The following FXYD4 variants were observed in gnomAD, a reference collection of about 807,000 sequenced individuals.
FXYD4 encodes the protein FXYD domain containing ion transport regulator 4.
In FXYD4, 14 loss-of-function variants were observed where a neutral mutation model predicts 18.3. That is an observed-to-expected ratio of 0.77 (90% CI 0.51 to 1.20). The LOEUF is 1.20. Among genes scored for constraint, FXYD4 ranks in the 50% most tolerant of loss-of-function variants. The pLI, the probability that FXYD4 is intolerant of heterozygous loss-of-function variation, is 0.00. For synonymous variants in FXYD4, 40 were observed against 40.5 expected, an observed-to-expected ratio of 0.99 and a Z score of 0.04; for missense variants, 99 against 106.1, an observed-to-expected ratio of 0.93 and a Z score of 0.29.
intron 1 of FXYD4, 117 bp downstream of exon 1, chr10:43,371,814 A>G (rs1006870332): frequency 6.6e-6 from 1 of 152,116 alleles, no homozygotes; most frequent in Non-Finnish European, 1.5e-5. Context: ...CAGCCGCTTG[A>G]AGGCCTCCTG....
rs771807115 is a variant in FXYD4 at position 43,375,675 on chromosome 10, G to A, written c.173-20G>A. On this transcript the variant is annotated intron_variant, in intron 6 of 8. Transcript: ENST00000476166. ...TCATTCCAGCACTGACCCTGGCGCTGACCCCTCTCTCTCTCCCAGGTGGCA... is the reference window on the plus strand; with the variant it reads ...TCATTCCAGCACTGACCCTGGCGCTAACCCCTCTCTCTCTCCCAGGTGGCA... The A allele has an allele frequency of 3.7e-6, 6 of 1,613,800 alleles. No homozygotes were observed. In the African/African-American group the frequency reaches 6.7e-5, roughly 18 times the overall value.
intron 2 of FXYD4, among the ~76,000 whole-genome samples, chr10:43,372,992 A>T (rs1452436645): frequency 6.6e-6 from 1 of 152,068 alleles, no homozygotes; most frequent in Non-Finnish European, 1.5e-5. Flanking sequence ...TTCCAACCTG[A>T]GGGGGAAATG....
Position 43,376,183 on chromosome 10 carries a change from C to T in FXYD4, c.*17C>T. 1 of 1,613,158 alleles carries T rather than the reference C, an allele frequency of 6.2e-7. No homozygotes were observed. Among genetic ancestry groups the T allele is most frequent in the Non-Finnish European group, 8.5e-7 (1 of 1,179,866 alleles). On this transcript the variant is annotated 3_prime_UTR_variant, in exon 9 of 9. Coordinates refer to ENST00000476166, the MANE Select transcript of FXYD4 (RefSeq NM_173160.3). ...ACTTGCTGAGCACAGGACTGGCCTC[C>T]AGGGATGGCCTGAAGCCTAACACTG...
chr10:43,374,955 G>A (rs1837850870), intron 5 of FXYD4, among the ~76,000 whole-genome samples: 1 of 151,412 alleles, frequency 6.6e-6, no homozygotes, highest in Non-Finnish European at 1.5e-5. Flanking sequence ...CTCTCCCCTG[G>A]GCCTCAGCTC....
At chr10:43,374,731 T>C (rs1457422570) in intron 5 of FXYD4, 92 bp downstream of exon 5, 7 of 1,004,490 alleles carry the variant, frequency 7.0e-6, no homozygotes, top group Non-Finnish European at 9.6e-6. Context: ...GGACCTAGTG[T>C]AGACAAAGTG....
rs372862247 is a variant in FXYD4, at chr10:43,375,561, G to T, written c.160G>T (p.Ala54Ser). Residue 54 changes from alanine (A) to serine (S), a missense_variant, in exon 6 of 9, where the codon GCG becomes TCG. Coordinates refer to ENST00000476166, the MANE Select transcript of FXYD4 (RefSeq NM_173160.3). ...AGGGCTCCTGGCCATTGCTGGGATC[G>T]CGGCAGTTCTGAGTGAGTGGCAGGA... is the stretch of plus-strand genomic sequence containing the variant. ...CGGLLAIAGI[A>S]AVLSGKCKCK... 1 of 1,613,948 alleles carries T rather than the reference G, an allele frequency of 6.2e-7. No homozygotes were observed. Among genetic ancestry groups the T allele is most frequent in the East Asian group, 2.2e-5 (1 of 44,870 alleles).
intron 5 of FXYD4, among the ~76,000 whole-genome samples, chr10:43,375,263 G>C (rs1469333740): frequency 4.6e-5 from 7 of 152,000 alleles, no homozygotes; most frequent in Non-Finnish European, 2.9e-5. Context: ...CTGACCTCAG[G>C]TGATCTGCCC....
chr10:43,373,342 AT>A (rs199917026), intron 2 of FXYD4, 172 bp from the exon 3 acceptor site: 4,028 of 174,752 alleles, frequency 0.023, 157 homozygotes, highest in East Asian at 0.12. Context: ...TCTAAGCTCC[AT>A]TTTTTTTTTT....
At chr10:43,372,426 A>T (rs542486895) in intron 1 of FXYD4, among the ~76,000 whole-genome samples, 1 of 152,150 alleles carries the variant, frequency 6.6e-6, no homozygotes, top group Non-Finnish European at 1.5e-5. Flanking sequence ...CTGGGAATAC[A>T]GGCGCCTGTC....
chr10:43,375,874 C>G lies in FXYD4; in HGVS notation c.212+140C>G. ...TATTCAGATAGTCAACCCTGAAGGG[C>G]CCCAGTCAGGAAAGCTCTGACCTCG... On this transcript the variant is annotated intron_variant, in intron 7 of 8. Coordinates refer to ENST00000476166, the MANE Select transcript of FXYD4 (RefSeq NM_173160.3). 3.3e-6 allele frequency: 4 copies of G among 1,209,284 alleles called. No homozygotes were observed. In the South Asian group the frequency reaches 4.8e-5, roughly 15 times the overall value. The allele number at this position is 1,209,284 out of a possible 1,614,324, so 74.9% of individuals were successfully genotyped here. A position where few individuals can be genotyped will look rare whatever the true frequency, so the allele number is the denominator to read the frequency against.
In FXYD4 at chr10:43,373,462, G is replaced by A. The variant is rs1406987696; in HGVS notation, c.-232-53G>A. On this transcript the variant is annotated intron_variant, in intron 2 of 8. Coordinates refer to ENST00000476166, the MANE Select transcript of FXYD4 (RefSeq NM_173160.3). ...CTTCTACAGCACTTACTCTGTGCAG[G>A]CACAGTTTTGAGCTCTTAGCTTGTG... The A allele has an allele frequency of 9.6e-6, 5 of 522,302 alleles. No homozygotes were observed. The Admixed American group carries it at 1.2e-4, about 13-fold the overall frequency. The allele number at this position is 522,302 out of a possible 1,614,324, so 32.4% of individuals were successfully genotyped here.
chr10:43,371,989 G>A (rs1837812440), intron 1 of FXYD4, among the ~76,000 whole-genome samples: 1 of 150,808 alleles, frequency 6.6e-6, no homozygotes, highest in East Asian at 2.0e-4. Flanking sequence ...AGGCTGCAGT[G>A]AGCCGAGATC....
rs1837822798 is a variant in FXYD4, at chr10:43,372,730, A to G, written c.-275A>G. 1 of 152,210 alleles carries G rather than the reference A, an allele frequency of 6.6e-6. No individual in the cohort carries two copies. Among genetic ancestry groups the G allele is most frequent in the South Asian group, 2.1e-4 (1 of 4,840 alleles). The allele number at this position is 152,210 out of a possible 1,614,324, so 9.4% of individuals were successfully genotyped here. ...TCTGATGATCCTCCTTTTACAGGAC[A>G]CTGGTGAAGGAGCAGTGAGGAACCT... On this transcript the variant is annotated 5_prime_UTR_variant, in exon 2 of 9. Coordinates refer to ENST00000476166, the MANE Select transcript of FXYD4 (RefSeq NM_173160.3).
chr10:43,373,766 C>T lies in FXYD4; in HGVS notation c.20C>T (p.Ala7Val). 6.2e-7 allele frequency: 1 copy of T among 1,609,648 alleles called. No homozygotes were observed. Among genetic ancestry groups the T allele is most frequent in the Middle Eastern group, 1.7e-4 (1 of 6,054 alleles). Residue 7 changes from alanine (A) to valine (V), a missense_variant, in exon 3 of 9, where the codon GCC (alanine) becomes GTC (valine). Coordinates refer to ENST00000476166, the MANE Select transcript of FXYD4 (RefSeq NM_173160.3). ...TGTGACATGGAGAGAGTGACCCTGGCCCTTCTCCTACTGGCAGGTGAGTCC... is the reference window on the plus strand; with the variant it reads ...TGTGACATGGAGAGAGTGACCCTGGTCCTTCTCCTACTGGCAGGTGAGTCC... MERVTLALLLLAGLTAL... is the reference protein window; with the variant it reads MERVTLVLLLLAGLTAL...
At chr10:43,375,902 A>T (rs1837865851) in intron 7 of FXYD4, 130 bp from the exon 8 acceptor site, 9 of 1,215,644 alleles carry the variant, frequency 7.4e-6, no homozygotes, top group South Asian at 7.2e-5. Flanking sequence ...TGACCTCGGT[A>T]TTGTGGGAAG....
At chr10:43,374,418 T>G in intron 3 of FXYD4, 52 bp from the exon 4 acceptor site, 1 of 1,590,098 alleles carries the variant, frequency 6.3e-7, no homozygotes. Flanking sequence ...CTGGCTTACT[T>G]GGACACCAGT....
intron 5 of FXYD4, 143 bp from the exon 6 acceptor site, chr10:43,375,356 C>A: frequency 1.5e-6 from 1 of 652,286 alleles, no homozygotes; most frequent in Non-Finnish European, 2.7e-6. Context: ...TGTTTCCCCA[C>A]GAGACGCAGA....
In FXYD4 at chr10:43,372,491, G is replaced by A. The variant is rs546920910; in HGVS notation, c.-278-236G>A. 1.6e-4 allele frequency among the ~76,000 whole-genome samples: 24 copies of A among 152,164 alleles called. No individual in the cohort carries two copies. In the South Asian group the frequency reaches 4.2e-3, roughly 26 times the overall value. On this transcript the variant is annotated intron_variant, in intron 1 of 8. Transcript: ENST00000476166. ...GTATAGATGGGGTTTTGCCATGTTG[G>A]CCAGGCTGATCTTGAACTCCTGACC...
rs1394562592 is a variant in FXYD4, at chr10:43,375,503, G to A, written c.102G>A (p.Trp34Ter). The change falls in exon 6 of 9, where the codon TGG becomes TGA. Residue 34 changes from tryptophan to a stop codon, truncating the protein, a stop_gained. Transcript: ENST00000476166. LOFTEE classifies it high-confidence loss of function. The stretch of plus-strand genomic sequence containing the variant: ...CACTCTCTGTACCCACCCCAGACTG[G>A]AAAAACCTGCAGCTGAGCGGACTGA... ...ANKDDPFYYD[W>*]KNLQLSGLIC... is the part of the protein sequence containing the mutation. 1 of 1,613,760 alleles carries A rather than the reference G, an allele frequency of 6.2e-7. No individual in the cohort carries two copies. Among genetic ancestry groups the A allele is most frequent in the Middle Eastern group, 1.7e-4 (1 of 6,058 alleles).
Sources: allele counts gnomAD v4.1 joint callset (sites outside exome capture counted in the v4.1 genomes callset), GRCh38; gene constraint gnomAD v4.1.1; transcripts MANE v1.5; gene names NCBI Gene and HGNC (gene_info 2026-07-23, HGNC 2026-07-21).